PARD3B: variants seen among roughly 807,000 people sequenced by gnomAD.
The protein encoded by PARD3B is par-3 family cell polarity regulator beta, also known as partitioning defective 3 homolog B.
A neutral mutation model predicts 130.2 loss-of-function variants in PARD3B; 103 were observed. The observed-to-expected ratio is 0.79, with a 90% CI of 0.67 to 0.93. The LOEUF is 0.93. PARD3B is among the 40% of genes least tolerant of loss of function. PARD3B has a pLI of 0.00. For missense variants in PARD3B, 1,609 were observed against 1,499.2 expected, an observed-to-expected ratio of 1.07 and a Z score of -1.21; for synonymous variants, 583 against 553.2, an observed-to-expected ratio of 1.05 and a Z score of -0.76.
chr2:205,394,429 C>T (rs2045957158), intron 18 of PARD3B, among the ~76,000 whole-genome samples: 1 of 152,138 alleles, frequency 6.6e-6, no homozygotes, highest in African/African-American at 2.4e-5. Context: ...AAGCTATTTT[C>T]CTCTCCTAGG....
intron 20 of PARD3B, among the ~76,000 whole-genome samples, chr2:205,449,731 C>G (rs1396450299): frequency 3.9e-5 from 6 of 152,120 alleles, no homozygotes; most frequent in Admixed American, 1.3e-4. Context: ...CCTGAATGCT[C>G]CAGTTAAGCA....
At chr2:205,191,055 C>A (rs2036367267) in intron 14 of PARD3B, among the ~76,000 whole-genome samples, 1 of 140,044 alleles carries the variant, frequency 7.1e-6, no homozygotes, top group Non-Finnish European at 1.5e-5. Context: ...AGAATGTACC[C>A]AGACACCAGG....
intron 21 of PARD3B, among the ~76,000 whole-genome samples, chr2:205,533,604 A>ATAAG (rs2051700154): frequency 6.6e-6 from 1 of 152,230 alleles, no homozygotes; most frequent in Non-Finnish European, 1.5e-5. Flanking sequence ...AACAGGAAAC[A>ATAAG]TAAGTGTTCA....
chr2:205,206,004 T>A (rs529172020), intron 15 of PARD3B, among the ~76,000 whole-genome samples: 1 of 152,278 alleles, frequency 6.6e-6, no homozygotes, highest in South Asian at 2.1e-4. Flanking sequence ...TTGTTTGGAA[T>A]AGTTTCAGAA....
rs145868201 is a variant in PARD3B, at chr2:205,028,474, C to T, written c.395-19107C>T. Among the ~76,000 whole-genome samples the T allele has an allele frequency of 2.8e-4, 42 of 152,194 alleles. No individual in the cohort carries two copies. In the East Asian group the frequency reaches 8.1e-3, roughly 29 times the overall value. ...GCAACATAACAAAGGTTCTGACAAG[C>T]CCACACCTAATATAATACTCAACAT... On this transcript the variant is annotated intron_variant, in intron 3 of 22. Transcript: ENST00000406610.
At chr2:204,757,115 G>T (rs757863118) in intron 2 of PARD3B, among the ~76,000 whole-genome samples, 22 of 152,164 alleles carry the variant, frequency 1.4e-4, no homozygotes, top group Non-Finnish European at 2.4e-4. Flanking sequence ...TGGCTGTGCA[G>T]TATTCCATGG....
chr2:205,525,573 G>T lies in PARD3B; in HGVS notation c.3180+25542G>T, dbSNP rs1220252124. 6.6e-6 allele frequency among the ~76,000 whole-genome samples: 1 copy of T among 152,182 alleles called. No homozygotes were observed. The highest frequency in any genetic ancestry group is 2.4e-5 in the African/African-American group (1 of 41,448). On this transcript the variant is annotated intron_variant, in intron 21 of 22. Transcript: ENST00000406610. This position sits in a 1 kb window ranked among gnomAD's most constrained non-coding sequence, Gnocchi z 4.2. Reference sequence around the variant, plus strand: ...ATAAACATAGGGGTATTGGTTGCATGACTTTATTAGCTCCTAGACTGAGGT... The same window carrying T: ...ATAAACATAGGGGTATTGGTTGCATTACTTTATTAGCTCCTAGACTGAGGT...
At chr2:205,246,594 C>G (rs534742720) in intron 16 of PARD3B, among the ~76,000 whole-genome samples, 1 of 152,278 alleles carries the variant, frequency 6.6e-6, no homozygotes, top group South Asian at 2.1e-4. Context: ...CATTGCCCCT[C>G]TAAACAACAG....
chr2:205,374,270 T>C (rs1362270481), intron 18 of PARD3B, among the ~76,000 whole-genome samples: 1 of 152,120 alleles, frequency 6.6e-6, no homozygotes, highest in African/African-American at 2.4e-5. Flanking sequence ...GGAATCTTTC[T>C]CGGTAGCCCA....
At chr2:205,026,968 C>T (rs1011031932) in intron 3 of PARD3B, among the ~76,000 whole-genome samples, 1 of 152,070 alleles carries the variant, frequency 6.6e-6, no homozygotes, top group East Asian at 1.9e-4. Flanking sequence ...TTACACCTAT[C>T]TTAGTTATTG....
intron 1 of PARD3B, among the ~76,000 whole-genome samples, chr2:204,566,631 T>C (rs2031687717): frequency 6.6e-6 from 1 of 152,244 alleles, no homozygotes. Context: ...AACTGAACTA[T>C]TTGAAAATAT....
At chr2:205,315,103 G>T (rs2042518799) in intron 18 of PARD3B, among the ~76,000 whole-genome samples, 1 of 152,126 alleles carries the variant, frequency 6.6e-6, no homozygotes, top group Admixed American at 6.5e-5. Context: ...TCTAGGCATA[G>T]CTACCAATCA....
At chr2:204,876,214 G>T (rs1408480868) in intron 2 of PARD3B, among the ~76,000 whole-genome samples, 1 of 152,096 alleles carries the variant, frequency 6.6e-6, no homozygotes, top group Non-Finnish European at 1.5e-5. Flanking sequence ...ATTAATTTTG[G>T]ATTTAATCTT....
intron 10 of PARD3B, among the ~76,000 whole-genome samples, chr2:205,132,072 T>G (rs1434099813): frequency 1.3e-5 from 2 of 152,212 alleles, no homozygotes; most frequent in African/African-American, 2.4e-5. Context: ...TTAAATGAGA[T>G]GCATGTAAAA....
At chr2:204,604,068 G>A (rs1297983454) in intron 1 of PARD3B, among the ~76,000 whole-genome samples, 1 of 152,168 alleles carries the variant, frequency 6.6e-6, no homozygotes, top group Non-Finnish European at 1.5e-5. Flanking sequence ...TGAATAATAT[G>A]TGATGAGGCT....
At chr2:204,746,296 A>T (rs967576529) in intron 2 of PARD3B, among the ~76,000 whole-genome samples, 1 of 151,606 alleles carries the variant, frequency 6.6e-6, no homozygotes, top group East Asian at 1.9e-4. Flanking sequence ...CCATGTCCCT[A>T]CAAAGGACAT....
At chr2:204,811,989 A>G (rs1216663210) in intron 2 of PARD3B, among the ~76,000 whole-genome samples, 1 of 152,140 alleles carries the variant, frequency 6.6e-6, no homozygotes, top group Admixed American at 6.6e-5. Context: ...TAAAGTAATG[A>G]TCATGTCCAT....
chr2:204,992,594 GT>G (rs1693819194), intron 3 of PARD3B, among the ~76,000 whole-genome samples: 1 of 115,858 alleles, frequency 8.6e-6, no homozygotes, highest in African/African-American at 3.3e-5. Flanking sequence ...CTTTAAAGTA[GT>G]TTTTTCCAAT....
At chr2:205,553,521 C>A in intron 22 of PARD3B, 118 bp downstream of exon 22, 1 of 893,104 alleles carries the variant, frequency 1.1e-6, no homozygotes, top group Non-Finnish European at 1.7e-6. Context: ...TTTTGCCTTG[C>A]TGCCGTCTGC....
Sources: allele counts gnomAD v4.1 joint callset (sites outside exome capture counted in the v4.1 genomes callset), GRCh38; gene constraint gnomAD v4.1.1; non-coding constraint Gnocchi (gnomAD v3.1); transcripts MANE v1.5; gene names NCBI Gene and HGNC (gene_info 2026-07-23, HGNC 2026-07-21).